Variants in ARFGAP3 observed in about 807,000 individuals in gnomAD.
The protein encoded by ARFGAP3 is ADP-ribosylation factor GTPase-activating protein 3.
A neutral mutation model predicts 75.0 loss-of-function variants in ARFGAP3; 72 were observed. The ratio of observed to expected loss-of-function variants is 0.96; its 90% confidence interval spans 0.79 to 1.17. The LOEUF is 1.17. Ranked by LOEUF, ARFGAP3 falls within the 50% of genes most tolerant of loss-of-function variation. The pLI is 0.00. For missense variants in ARFGAP3, 620 were observed against 626.6 expected, an observed-to-expected ratio of 0.99 and a Z score of 0.11; for synonymous variants, 221 against 217.9, an observed-to-expected ratio of 1.01 and a Z score of -0.13.
At chr22:42,805,603 GC>G (rs2146528508) in intron 14 of ARFGAP3, among the ~76,000 whole-genome samples, 1 of 152,314 alleles carries the variant, frequency 6.6e-6, no homozygotes, top group South Asian at 2.1e-4. Context: ...AGCCTCACCT[GC>G]CCCCACCAAG....
chr22:42,803,483 G>A (rs1924971118), intron 14 of ARFGAP3, among the ~76,000 whole-genome samples: 1 of 152,136 alleles, frequency 6.6e-6, no homozygotes, highest in East Asian at 1.9e-4. Flanking sequence ...AATCAGAATT[G>A]GCTTTCTGGG....
At chr22:42,831,526 C>T in intron 6 of ARFGAP3, 23 bp downstream of exon 6, 2 of 1,603,462 alleles carry the variant, frequency 1.2e-6, no homozygotes, top group South Asian at 1.1e-5. Flanking sequence ...AATAGTATTA[C>T]ATGACAGTTC....
rs369744912 is a variant in ARFGAP3 at position 42,838,498 on chromosome 22, T to C, written c.261+2446A>G. Among the ~76,000 whole-genome samples the C allele has an allele frequency of 1.1e-4, 17 of 151,866 alleles. No individual in the cohort carries two copies. The East Asian group carries it at 1.9e-3, about 17-fold the overall frequency. On this transcript the variant is annotated intron_variant, in intron 3 of 15. Coordinates refer to ENST00000263245, the MANE Select transcript of ARFGAP3 (RefSeq NM_014570.5). ...TCTTTTGTACGATGAGGTCTCACTA[T>C]GTTGCCCAGGCTGGTCTTACACTCC...
intron 11 of ARFGAP3, among the ~76,000 whole-genome samples, chr22:42,814,020 C>CT: frequency 1.3e-5 from 2 of 152,192 alleles, no homozygotes; most frequent in Non-Finnish European, 2.9e-5. Flanking sequence ...TGATTTAGAG[C>CT]TATAGACAGT....
intron 7 of ARFGAP3, among the ~76,000 whole-genome samples, chr22:42,824,747 T>C (rs1023378097): frequency 1.3e-5 from 2 of 152,174 alleles, no homozygotes; most frequent in African/African-American, 2.4e-5. Context: ...CAAGGGTATA[T>C]TGCGTGGTGC....
intron 13 of ARFGAP3, chr22:42,807,410 G>A (rs568683109): frequency 3.8e-6 from 1 of 261,844 alleles, no homozygotes; most frequent in Admixed American, 6.5e-5. Context: ...CAGTGCGGAG[G>A]CCGTCGGAGT....
intron 4 of ARFGAP3, among the ~76,000 whole-genome samples, chr22:42,835,060 G>C (rs745427882): frequency 1.3e-5 from 2 of 152,074 alleles, no homozygotes; most frequent in Non-Finnish European, 2.9e-5. Flanking sequence ...TATTTAAAAA[G>C]GTGTCTTTAA....
chr22:42,841,010 T>C lies in ARFGAP3; in HGVS notation c.195A>G (p.Thr65=). 6.2e-7 allele frequency: 1 copy of C among 1,613,984 alleles called. No homozygotes were observed. The highest frequency in any genetic ancestry group is 8.5e-7 in the Non-Finnish European group (1 of 1,179,932). ...LGVHLSFIRS[T]ELDSNWSWFQ... is the part of the protein sequence containing the mutation. ...ACCATGACCAGTTGGAATCCAACTC[T>C]GTAGATCTAAATGGAAAGAATATTA... is the stretch of plus-strand genomic sequence containing the variant. The change falls in exon 3 of 16, where the codon ACA becomes ACG. Residue 65 remains threonine, a synonymous_variant. Coordinates refer to ENST00000263245, the MANE Select transcript of ARFGAP3 (RefSeq NM_014570.5).
intron 8 of ARFGAP3, 61 bp downstream of exon 8, chr22:42,823,595 C>A: frequency 2.5e-6 from 3 of 1,217,002 alleles, no homozygotes; most frequent in Non-Finnish European, 3.4e-6. Flanking sequence ...AATGACGAAG[C>A]GGCTTTTTAG....
At chr22:42,853,207 C>T (rs1029977474) in intron 1 of ARFGAP3, among the ~76,000 whole-genome samples, 7 of 152,196 alleles carry the variant, frequency 4.6e-5, no homozygotes, top group African/African-American at 1.2e-4. Context: ...CAATAGCATT[C>T]GTTGTGCCCA....
At chr22:42,854,295 T>C (rs1165999002) in intron 1 of ARFGAP3, among the ~76,000 whole-genome samples, 1 of 152,150 alleles carries the variant, frequency 6.6e-6, no homozygotes, top group Non-Finnish European at 1.5e-5. Context: ...AAGTAAGGAA[T>C]GGTATAGCAA....
At chr22:42,798,970 A>C (rs2146519839) in intron 15 of ARFGAP3, 69 bp downstream of exon 15, 4 of 1,298,124 alleles carry the variant, frequency 3.1e-6, no homozygotes, top group South Asian at 1.2e-5. Flanking sequence ...TTGAAGATTG[A>C]AGCAGGTCTC....
intron 6 of ARFGAP3, 101 bp from the exon 7 acceptor site, chr22:42,827,100 A>G (rs1926075896): frequency 2.7e-6 from 4 of 1,463,144 alleles, no homozygotes; most frequent in African/African-American, 1.4e-5. Context: ...ATCTTATCCA[A>G]TTTTGTCAAT....
chr22:42,808,800 T>A lies in ARFGAP3; in HGVS notation c.1287A>T (p.Ser429=), dbSNP rs764089084. ...GGGATTGTCTTCCAAAATACATATC[T>A]GATGAAATGGCCTTGACATTGCCAA... is the stretch of plus-strand genomic sequence containing the variant. ...KKFGNVKAIS[S]DMYFGRQSQA... Residue 429 remains serine, a synonymous_variant, in exon 13 of 16, where the codon TCA becomes TCT. Coordinates refer to ENST00000263245, the MANE Select transcript of ARFGAP3 (RefSeq NM_014570.5). 1.2e-6 allele frequency: 2 copies of A among 1,613,444 alleles called. No individual in the cohort carries two copies. The highest frequency in any genetic ancestry group is 2.2e-5 in the South Asian group (2 of 90,906).
At chr22:42,823,511 C>A in intron 8 of ARFGAP3, 145 bp downstream of exon 8, 1 of 459,406 alleles carries the variant, frequency 2.2e-6, no homozygotes, top group South Asian at 3.1e-5. Flanking sequence ...TGACATTAAT[C>A]TCTTTGAACA....
intron 15 of ARFGAP3, among the ~76,000 whole-genome samples, chr22:42,798,069 A>G (rs1365144542): frequency 6.6e-6 from 1 of 152,202 alleles, no homozygotes; most frequent in Non-Finnish European, 1.5e-5. Flanking sequence ...TATAAAAGGG[A>G]GCCATCTCTA....
At chr22:42,818,472 T>C (rs947889865) in intron 9 of ARFGAP3, among the ~76,000 whole-genome samples, 3 of 152,136 alleles carry the variant, frequency 2.0e-5, no homozygotes, top group Admixed American at 6.5e-5. Flanking sequence ...CACTCTTCTA[T>C]TTAAAATCAA....
intron 14 of ARFGAP3, among the ~76,000 whole-genome samples, chr22:42,804,744 G>C (rs906182725): frequency 6.6e-6 from 1 of 152,040 alleles, no homozygotes; most frequent in South Asian, 2.1e-4. Context: ...TTGAACTCTC[G>C]ACCTCAGGTG....
At position 42,797,611 on chromosome 22, in the gene ARFGAP3, G is replaced by C; in HGVS notation, c.1534-6C>G. 1 of 1,614,028 alleles carries C rather than the reference G, an allele frequency of 6.2e-7. No individual in the cohort carries two copies. The highest frequency in any genetic ancestry group is 8.5e-7 in the Non-Finnish European group (1 of 1,179,944). On this transcript the variant is annotated splice_polypyrimidine_tract_variant and splice_region_variant and intron_variant, in intron 15 of 15. Coordinates refer to ENST00000263245, the MANE Select transcript of ARFGAP3 (RefSeq NM_014570.5). ...TATTAAGAACCGTAGCGATCCTGAAGAGAGAACCAAAATGGAAGTTCACGA... is the reference window on the plus strand; with the variant it reads ...TATTAAGAACCGTAGCGATCCTGAACAGAGAACCAAAATGGAAGTTCACGA...
Sources: gnomAD v4.1 joint callset for allele counts (sites outside exome capture counted in the v4.1 genomes callset) on GRCh38, gnomAD v4.1.1 for gene constraint, MANE v1.5 for transcripts, NCBI Gene and HGNC (gene_info 2026-07-23, HGNC 2026-07-21) for gene names.